The following SREK1 variants were observed in gnomAD, a reference collection of about 807,000 sequenced individuals.
SREK1 encodes the protein splicing regulatory glutamic acid and lysine rich protein 1.
Under a neutral mutation model 66.5 loss-of-function variants are expected in SREK1, and 13 were observed. That is an observed-to-expected ratio of 0.20 (90% confidence interval 0.13 to 0.31). The LOEUF (loss-of-function observed/expected upper bound fraction) is 0.31. Among genes scored for constraint, SREK1 ranks in the 10% least tolerant of loss-of-function variants. SREK1 has a pLI of 1.00. For missense variants in SREK1, 607 were observed against 769.6 expected, an observed-to-expected ratio of 0.79 and a Z score of 2.50; for synonymous variants, 265 against 263.5, an observed-to-expected ratio of 1.01 and a Z score of -0.05.
At chr5:66,169,494 A>G (rs1402432456) in intron 7 of SREK1, 1 of 152,214 alleles carries the variant, frequency 6.6e-6, no homozygotes, top group Non-Finnish European at 1.5e-5. Flanking sequence ...GGTTCCAAGC[A>G]TTTCACATAA....
At chr5:66,158,919 A>C in intron 2 of SREK1, 1 of 1,305,882 alleles carries the variant, frequency 7.7e-7, no homozygotes, top group African/African-American at 1.5e-5. Flanking sequence ...ATGAACATTA[A>C]GTTTCCAGTA....
rs975481134 is a variant in SREK1 at position 66,144,789 on chromosome 5, G to T, written c.161+252G>T. On this transcript the variant is annotated intron_variant, in intron 1 of 11. Transcript: ENST00000334121. ...ATGGTTGCCCTTTCTGTGCCTCCGG[G>T]ACTTGTGTTCGCTGCTGGGTCTTCG... is the stretch of plus-strand genomic sequence containing the variant. 6.6e-6 allele frequency: 8 copies of T among 1,208,888 alleles called. No homozygotes were observed. The South Asian group carries it at 2.0e-4, about 31-fold the overall frequency. 74.9% of individuals were successfully genotyped at this position (1,208,888 alleles called of 1,614,324 possible).
At chr5:66,155,925 G>C (rs543545216) in intron 2 of SREK1, 2 of 1,284,924 alleles carry the variant, frequency 1.6e-6, no homozygotes, top group East Asian at 5.5e-5. Context: ...TTAACACGTA[G>C]AAAAAGATAC....
rs1352991083 is a variant in SREK1 at position 66,178,847 on chromosome 5, T to A, written c.1854T>A (p.Ser618=). ...GNCQLNEENL[S]TKTEAV ...GTCAGCTGAATGAAGAAAACCTCTC[T>A]ACCAAAACAGAAGCAGTATAGGACC... The change falls in exon 12 of 12, where the codon TCT becomes TCA. Residue 618 remains serine, a synonymous_variant. Coordinates refer to ENST00000334121, the MANE Select transcript of SREK1 (RefSeq NM_001077199.3). 2 of 1,612,112 alleles carry A rather than the reference T, an allele frequency of 1.2e-6. No individual in the cohort carries two copies. Among genetic ancestry groups the A allele is most frequent in the Non-Finnish European group, 1.7e-6 (2 of 1,178,740 alleles).
chr5:66,171,238 T>A (rs1022404439), intron 9 of SREK1, among the ~76,000 whole-genome samples: 24 of 152,312 alleles, frequency 1.6e-4, no homozygotes, highest in Admixed American at 2.6e-4. Context: ...GTACTTTTTT[T>A]AAAAAGCACA....
rs926062145 is a variant in SREK1, at chr5:66,144,323, C to G, written c.-54C>G. On this transcript the variant is annotated 5_prime_UTR_variant, in exon 1 of 12. Transcript: ENST00000334121. ...GCGTTCTCCGCTTTCCCGGCTCCGT[C>G]GCTGACGCGTCGTAGACGTTGGGGA... 1.4e-6 allele frequency: 2 copies of G among 1,392,524 alleles called. No individual in the cohort carries two copies. The highest frequency in any genetic ancestry group is 1.9e-6 in the Non-Finnish European group (2 of 1,031,928). 86.3% of individuals were successfully genotyped at this position (1,392,524 alleles called of 1,614,324 possible).
chr5:66,167,924 G>A (rs1423955109), intron 7 of SREK1: 1 of 151,974 alleles, frequency 6.6e-6, no homozygotes, highest in African/African-American at 2.4e-5. Context: ...ATCTGTAAAC[G>A]GACTAATAAT....
At position 66,171,725 on chromosome 5, in the gene SREK1, C is replaced by T. The variant is rs137867045; in HGVS notation, c.1484+778C>T. ...TTGAGATAAAGGAATATATGTTTCC[C>T]ATTTTTAAAACTTGTGCTTTAGTAG... is the stretch of plus-strand genomic sequence containing the variant. On this transcript the variant is annotated intron_variant, in intron 9 of 11. Transcript: ENST00000334121. Among the ~76,000 whole-genome samples, 648 of 152,028 alleles carry T rather than the reference C, an allele frequency of 4.3e-3. 4 individuals carry two copies. Among genetic ancestry groups the T allele is most frequent in the African/African-American group, 0.014 (596 of 41,484 alleles).
intron 1 of SREK1, among the ~76,000 whole-genome samples, chr5:66,150,209 G>A (rs561693425): frequency 6.6e-6 from 1 of 152,320 alleles, no homozygotes; most frequent in Non-Finnish European, 1.5e-5. Flanking sequence ...AGGATCTTTT[G>A]AGGGTTTCAC....
intron 1 of SREK1, among the ~76,000 whole-genome samples, chr5:66,147,412 C>T (rs1162497063): frequency 6.6e-6 from 1 of 152,112 alleles, no homozygotes; most frequent in African/African-American, 2.4e-5. Flanking sequence ...GTGCACAGGT[C>T]GTAAGCGCAG....
intron 2 of SREK1, chr5:66,157,817 C>T: frequency 1.6e-6 from 1 of 615,770 alleles, no homozygotes. Flanking sequence ...AAGGCATAGC[C>T]ATTATTTAAA....
At chr5:66,144,910 T>C (rs1182439358) in intron 1 of SREK1, 1 of 998,328 alleles carries the variant, frequency 1.0e-6, no homozygotes, top group Non-Finnish European at 1.2e-6. Flanking sequence ...AGAGCGTTTT[T>C]CCACTCTGAA....
intron 1 of SREK1, among the ~76,000 whole-genome samples, chr5:66,145,429 A>C (rs555675858): frequency 6.6e-6 from 1 of 152,230 alleles, no homozygotes; most frequent in African/African-American, 2.4e-5. Context: ...ATTATATCAA[A>C]ATCCTTTGAG....
intron 3 of SREK1, 70 bp from the exon 4 acceptor site, chr5:66,162,039 T>C (rs1580647546): frequency 6.6e-7 from 1 of 1,526,142 alleles, no homozygotes. Flanking sequence ...CTTTTCAAGA[T>C]TAGAGAATGG....
At position 66,172,080 on chromosome 5, in the gene SREK1, A is replaced by G. The variant is rs1326259647; in HGVS notation, c.1484+1133A>G. ...TATGTTAAAACAAGGCTCAAAATAA[A>G]CAGATCACTGCTGGATTTCAGCACA... On this transcript the variant is annotated intron_variant, in intron 9 of 11. Transcript: ENST00000334121. 2.0e-5 allele frequency among the ~76,000 whole-genome samples: 3 copies of G among 152,238 alleles called. No homozygotes were observed. In the East Asian group the frequency reaches 5.8e-4, roughly 29 times the overall value.
intron 7 of SREK1, chr5:66,168,981 C>T (rs1263697922): frequency 6.6e-6 from 1 of 152,078 alleles, no homozygotes; most frequent in Non-Finnish European, 1.5e-5. Context: ...GAGGAAGAAA[C>T]TCAGGCTTGG....
At position 66,170,826 on chromosome 5, in the gene SREK1, A is replaced by C; in HGVS notation, c.1363A>C (p.Lys455Gln). ...RDKEKEKEQD[K>Q]EKEREKDRSK... ...CAAAGAGAAGGAAAAGGAACAGGAC[A>C]AAGAAAAGGAACGAGAAAAAGACAG... is the stretch of plus-strand genomic sequence containing the variant. The change falls in exon 9 of 12, where the codon AAA (lysine) becomes CAA (glutamine). Residue 455 changes from lysine (K) to glutamine (Q), a missense_variant. By Grantham distance (53) the Lys-to-Gln change is moderately conservative. This residue lies in a region of SREK1 where 318 missense variants were observed against 310.3 expected (regional missense o/e 1.02). Transcript: ENST00000334121. The C allele has an allele frequency of 6.2e-7, 1 of 1,613,732 alleles. No individual in the cohort carries two copies. The highest frequency in any genetic ancestry group is 8.5e-7 in the Non-Finnish European group (1 of 1,179,802).
At chr5:66,158,690 C>A (rs1341788396) in intron 2 of SREK1, 2 of 874,854 alleles carry the variant, frequency 2.3e-6, no homozygotes, top group South Asian at 1.7e-5. Flanking sequence ...AATTTCAATT[C>A]GCACATATTT....
intron 1 of SREK1, 24 bp downstream of exon 1, chr5:66,144,561 G>T (rs1240471845): frequency 6.5e-7 from 1 of 1,539,626 alleles, no homozygotes; most frequent in South Asian, 1.2e-5. Flanking sequence ...CTCGGCTGGG[G>T]GAGGGGCGCG....
Sources: gnomAD v4.1 joint callset for allele counts (sites outside exome capture counted in the v4.1 genomes callset) on GRCh38, gnomAD v4.1.1 for gene constraint, gnomAD v4.1.1 regional missense constraint, MANE v1.5 for transcripts, NCBI Gene and HGNC (gene_info 2026-07-23, HGNC 2026-07-21) for gene names.